Variants in PLA2R1 observed in about 807,000 individuals in gnomAD.
PLA2R1 encodes secretory phospholipase A2 receptor.
In PLA2R1, 158 loss-of-function variants were observed where a neutral mutation model predicts 195.9. The observed-to-expected ratio is 0.81, with a 90% confidence interval of 0.71 to 0.92. The LOEUF is 0.92. Among genes scored for constraint, PLA2R1 ranks in the 40% least tolerant of loss-of-function variants. PLA2R1 has a pLI of 0.00. For synonymous variants in PLA2R1, 586 were observed against 598.2 expected (o/e 0.98, Z 0.30); for missense variants, 1,626 against 1,764.6 (o/e 0.92, Z 1.41).
chr2:159,946,172 G>A, intron 27 of PLA2R1: 1 of 841,888 alleles, frequency 1.2e-6, no homozygotes, highest in South Asian at 5.4e-5. Flanking sequence ...AAGTTGGTCT[G>A]CTTTTTATTA....
chr2:160,006,095 A>C (rs886276533), intron 10 of PLA2R1, among the ~76,000 whole-genome samples: 1 of 152,180 alleles, frequency 6.6e-6, no homozygotes, highest in South Asian at 2.1e-4. Flanking sequence ...CCAGTTTCAA[A>C]GCATAGGTGG....
intron 11 of PLA2R1, among the ~76,000 whole-genome samples, chr2:159,990,364 G>C (rs1416065593): frequency 6.6e-6 from 1 of 152,090 alleles, no homozygotes; most frequent in Admixed American, 6.6e-5. Context: ...GAGACTTTCT[G>C]TCAATTAAGA....
In PLA2R1 at chr2:160,045,023, A is replaced by C; in HGVS notation, c.244T>G (p.Phe82Val). Residue 82 changes from phenylalanine (F) to valine (V), a missense_variant, in exon 2 of 30, where the codon TTT becomes GTT. Transcript: ENST00000283243. The part of the protein sequence containing the change: ...LWKWVSNHGL[F>V]NIGGSGCLGL... The stretch of plus-strand genomic sequence containing the variant: ...AGGCAACCACTGCCTCCTATGTTAA[A>C]GAGGCCATGGTTTGAAACCCATTTC... 6.2e-7 allele frequency: 1 copy of C among 1,614,130 alleles called. No individual in the cohort carries two copies. The highest frequency in any genetic ancestry group is 8.5e-7 in the Non-Finnish European group (1 of 1,179,926).
At chr2:160,010,421 AC>A in intron 10 of PLA2R1, among the ~76,000 whole-genome samples, 1 of 152,318 alleles carries the variant, frequency 6.6e-6, no homozygotes, top group South Asian at 2.1e-4. Flanking sequence ...TCTCTATTCC[AC>A]AAAGTGTTAA....
At chr2:159,977,625 A>AAAAAAC (rs888392813) in intron 14 of PLA2R1, among the ~76,000 whole-genome samples, 1 of 152,064 alleles carries the variant, frequency 6.6e-6, no homozygotes, top group South Asian at 2.1e-4. Flanking sequence ...ATGCCTTTTT[A>AAAAAAC]AAAAACAAAA....
At chr2:159,961,389 G>A (rs1046627453) in intron 20 of PLA2R1, among the ~76,000 whole-genome samples, 1 of 151,996 alleles carries the variant, frequency 6.6e-6, no homozygotes, top group African/African-American at 2.4e-5. Context: ...ATAACTGAGG[G>A]AGCTTTAAAA....
intron 20 of PLA2R1, among the ~76,000 whole-genome samples, chr2:159,961,645 A>G (rs1340848970): frequency 2.0e-5 from 3 of 152,100 alleles, no homozygotes; most frequent in Admixed American, 6.6e-5. Flanking sequence ...TCTCATGCAC[A>G]TATTTATTCC....
At chr2:159,931,224 T>C (rs1431420726), downstream of PLA2R1, among the ~76,000 whole-genome samples, 4 of 152,178 alleles carry the variant, frequency 2.6e-5, no homozygotes, top group African/African-American at 4.8e-5. Context: ...ATTGTAATTA[T>C]ACAGTTTGTA....
chr2:160,016,498 GAT>G, intron 9 of PLA2R1, 114 bp downstream of exon 9: 1 of 666,542 alleles, frequency 1.5e-6, no homozygotes, highest in South Asian at 1.8e-5. Context: ...GAGAGAGAGA[GAT>G]GAAAGAGAGG....
Position 160,022,766 on chromosome 2 carries a change from G to T in PLA2R1, c.1193C>A (p.Thr398Asn). The change falls in exon 7 of 30, where the codon ACC becomes AAC. Residue 398 changes from threonine to asparagine, a missense_variant. Coordinates refer to ENST00000283243, the MANE Select transcript of PLA2R1 (RefSeq NM_007366.5). Reference protein sequence around the residue: ...NCYKLQKEEKTWHEALRSCQA... With the variant: ...NCYKLQKEEKNWHEALRSCQA... ...ACAAGAACGCAGAGCCTCATGCCAGGTCTTTTCTTCTTTCTGAAGTTTGTA... is the reference window on the plus strand; with the variant it reads ...ACAAGAACGCAGAGCCTCATGCCAGTTCTTTTCTTCTTTCTGAAGTTTGTA... 2 of 1,613,176 alleles carry T rather than the reference G, an allele frequency of 1.2e-6. No individual in the cohort carries two copies. The highest frequency in any genetic ancestry group is 1.7e-6 in the Non-Finnish European group (2 of 1,179,140).
At chr2:159,926,604 T>A in the PLA2R1 span, among the ~76,000 whole-genome samples, 2 of 152,236 alleles carry the variant, frequency 1.3e-5, no homozygotes, top group Admixed American at 1.3e-4. Flanking sequence ...CATTCCAATA[T>A]CAAAAGCATG....
At chr2:159,977,450 T>C in intron 14 of PLA2R1, 34 bp from the exon 15 acceptor site, 1 of 1,602,930 alleles carries the variant, frequency 6.2e-7, no homozygotes, top group Non-Finnish European at 8.5e-7. Context: ...TCCTTAATGA[T>C]GATCCCCCCA....
chr2:159,930,295 C>G (rs577259210), downstream of PLA2R1, among the ~76,000 whole-genome samples: 55 of 152,122 alleles, frequency 3.6e-4, no homozygotes, highest in South Asian at 9.3e-3. Flanking sequence ...GTAGTCCCAG[C>G]TACTTGGCAG....
At chr2:159,997,010 A>G (rs1408572767) in intron 11 of PLA2R1, among the ~76,000 whole-genome samples, 18 of 152,120 alleles carry the variant, frequency 1.2e-4, no homozygotes, top group Non-Finnish European at 2.9e-5. Context: ...TAATTTCAAC[A>G]TTCCTGTCAT....
rs1408497429 is a variant in PLA2R1 at position 160,020,103 on chromosome 2, TAC to T, written c.1452+1_1452+2del. The T allele has an allele frequency of 5.0e-6, 8 of 1,610,302 alleles. No individual in the cohort carries two copies. The South Asian group carries it at 7.7e-5, about 16-fold the overall frequency. On this transcript the variant is annotated splice_donor_variant, in intron 8 of 29. Transcript: ENST00000283243. LOFTEE classifies it high-confidence loss of function. ...TGAGCACTGAACAAATGAATCAACT[TAC>T]AGACTGCTCTGCTGAGACACACAGC...
intron 9 of PLA2R1, among the ~76,000 whole-genome samples, chr2:160,013,673 CTT>C (rs201179504): frequency 0.3 from 35,405 of 119,016 alleles, 6,410 homozygotes; most frequent in Non-Finnish European, 0.43. Context: ...CTACCTCTCT[CTT>C]TCTCTCTCTC....
chr2:159,987,491 C>A, intron 11 of PLA2R1, 133 bp from the exon 12 acceptor site: 1 of 639,598 alleles, frequency 1.6e-6, no homozygotes, highest in Non-Finnish European at 2.8e-6. Context: ...AAGATGAAAA[C>A]GAATGTCTTA....
chr2:159,975,831 T>G (rs913737016), intron 17 of PLA2R1, among the ~76,000 whole-genome samples: 1 of 152,040 alleles, frequency 6.6e-6, no homozygotes, highest in Non-Finnish European at 1.5e-5. Flanking sequence ...TAACAAAGAA[T>G]GAAGAGAAGG....
At chr2:160,038,252 T>C (rs1694292897) in intron 3 of PLA2R1, among the ~76,000 whole-genome samples, 1 of 152,230 alleles carries the variant, frequency 6.6e-6, no homozygotes, top group Non-Finnish European at 1.5e-5. Flanking sequence ...CAGGTCTAAC[T>C]GCTAAGGAAA....
Sources: allele counts gnomAD v4.1 joint callset (sites outside exome capture counted in the v4.1 genomes callset), GRCh38; gene constraint gnomAD v4.1.1; transcripts MANE v1.5; gene names NCBI Gene and HGNC (gene_info 2026-07-23, HGNC 2026-07-21).